The following RAPGEF6 variants were observed in gnomAD, a reference collection of about 807,000 sequenced individuals.
RAPGEF6 encodes PDZ domain containing guanine nucleotide exchange factor (GEF) 2.
RAPGEF6 carries 56 observed loss-of-function variants against 171.4 expected under a neutral mutation model. That is an observed-to-expected ratio of 0.33 (90% confidence interval 0.26 to 0.41). The LOEUF is 0.41. Ranked by LOEUF, RAPGEF6 falls within the 10% of genes least tolerant of loss-of-function variation. The pLI is 1.00. For missense variants in RAPGEF6, 1,674 were observed against 1,921.4 expected, an observed-to-expected ratio of 0.87 and a Z score of 2.41; for synonymous variants, 692 against 650.1, an observed-to-expected ratio of 1.06 and a Z score of -0.98.
At chr5:131,446,451 T>TTAGC in intron 22 of RAPGEF6, 32 bp downstream of exon 22, 2 of 1,569,046 alleles carry the variant, frequency 1.3e-6, no homozygotes, top group Non-Finnish European at 1.7e-6. Context: ...GTTGTGCTCT[T>TTAGC]TAGCGTCACA....
At chr5:131,504,531 T>C (rs1757226524) in intron 11 of RAPGEF6, 95 bp downstream of exon 11, 1 of 1,240,764 alleles carries the variant, frequency 8.1e-7, no homozygotes, top group African/African-American at 1.5e-5. Context: ...TGTTAATGAA[T>C]TATCTTGCAT....
chr5:131,484,471 T>TGCTTTTAGG, intron 15 of RAPGEF6, among the ~76,000 whole-genome samples: 1 of 152,182 alleles, frequency 6.6e-6, no homozygotes, highest in Non-Finnish European at 1.5e-5. Flanking sequence ...TGCCTGGGCC[T>TGCTTTTAGG]CCCAAAGCGC....
chr5:131,615,246 C>T (rs997432316), intron 1 of RAPGEF6, among the ~76,000 whole-genome samples: 2 of 152,178 alleles, frequency 1.3e-5, no homozygotes, highest in Non-Finnish European at 2.9e-5. Context: ...CACAAGAATG[C>T]TAAGCATTCA....
chr5:131,479,552 T>C lies in RAPGEF6; in HGVS notation c.2042A>G (p.Asp681Gly). 6.2e-7 allele frequency: 1 copy of C among 1,614,002 alleles called. No individual in the cohort carries two copies. Among genetic ancestry groups the C allele is most frequent in the African/African-American group, 1.3e-5 (1 of 75,040 alleles). ...GGRNKIRKIL[D>G]KTRFSILPPK... The stretch of plus-strand genomic sequence containing the variant: ...AGGCAAGATACTAAATCGTGTTTTA[T>C]CCAAAATCTTCCTGATTTTGTTTCT... The change falls in exon 16 of 28, where the codon GAT becomes GGT. Residue 681 changes from aspartate to glycine, a missense_variant. Transcript: ENST00000509018.
rs1366104796 is a variant in RAPGEF6 at position 131,431,086 on chromosome 5, C to T, written c.4238G>A (p.Cys1413Tyr). 1.2e-6 allele frequency: 2 copies of T among 1,614,150 alleles called. No individual in the cohort carries two copies. Among genetic ancestry groups the T allele is most frequent in the Admixed American group, 1.7e-5 (1 of 60,006 alleles). Reference sequence around the variant, plus strand: ...ACAAGTTCTAGAGCAGCTTTTAGAACAGGAATAGGGCTCAGAGTCAGTGGG... The same window carrying T: ...ACAAGTTCTAGAGCAGCTTTTAGAATAGGAATAGGGCTCAGAGTCAGTGGG... Reference protein sequence around the residue: ...VEPTDSEPYSCSKSCSRTCGQ... With the variant: ...VEPTDSEPYSYSKSCSRTCGQ... Residue 1413 changes from cysteine (C) to tyrosine (Y), a missense_variant, in exon 26 of 28, where the codon TGT (cysteine) becomes TAT (tyrosine). By Grantham distance (194) the Cys-to-Tyr change is radical (BLOSUM62 -2). Coordinates refer to ENST00000509018, the MANE Select transcript of RAPGEF6 (RefSeq NM_016340.6).
At chr5:131,598,205 T>C (rs1451201365) in intron 3 of RAPGEF6, among the ~76,000 whole-genome samples, 1 of 151,468 alleles carries the variant, frequency 6.6e-6, no homozygotes, top group South Asian at 2.1e-4. Context: ...TTCACATGAG[T>C]GGGTATTTTA....
chr5:131,440,328 T>C (rs1752298552), intron 23 of RAPGEF6: 1 of 437,200 alleles, frequency 2.3e-6, no homozygotes, highest in Non-Finnish European at 4.6e-6. Flanking sequence ...ATTACCCTTG[T>C]CCAATGTCTG....
At chr5:131,573,295 C>T (rs974315469) in intron 4 of RAPGEF6, among the ~76,000 whole-genome samples, 1 of 152,178 alleles carries the variant, frequency 6.6e-6, no homozygotes, top group African/African-American at 2.4e-5. Flanking sequence ...ACAATTTCCT[C>T]TTACAGAGGT....
rs772982632 is a variant in RAPGEF6, at chr5:131,492,714, C to T, written c.1599G>A (p.Leu533=). 3.7e-6 allele frequency: 6 copies of T among 1,614,092 alleles called. No individual in the cohort carries two copies. The African/African-American group carries it at 4.0e-5, about 11-fold the overall frequency. Residue 533 remains leucine (L), a synonymous_variant, in exon 14 of 28, where the codon CTG becomes CTA. Transcript: ENST00000509018. ...AAKAKWRQVV[L]QKASRESPLQ... Reference sequence around the variant, plus strand: ...GAGGGGACTCGCGGGAAGCCTTTTGCAGCACAACCTGTCTCCACTTAGCCT... The same window carrying T: ...GAGGGGACTCGCGGGAAGCCTTTTGTAGCACAACCTGTCTCCACTTAGCCT...
intron 4 of RAPGEF6, among the ~76,000 whole-genome samples, chr5:131,574,390 T>C (rs751338893): frequency 2.2e-4 from 33 of 152,154 alleles, no homozygotes; most frequent in Non-Finnish European, 4.0e-4. Context: ...ATGCCGAGCT[T>C]CGGGTAACTC....
At chr5:131,436,898 A>G (rs1035896843) in intron 24 of RAPGEF6, among the ~76,000 whole-genome samples, 2 of 152,204 alleles carry the variant, frequency 1.3e-5, no homozygotes, top group African/African-American at 4.8e-5. Context: ...AGGGTAGATA[A>G]TGTTTAAGGT....
At chr5:131,440,356 C>G in intron 23 of RAPGEF6, 1 of 385,804 alleles carries the variant, frequency 2.6e-6, no homozygotes, top group Non-Finnish European at 5.1e-6. Flanking sequence ...TAGTGTACCT[C>G]AAACTTAGCA....
intron 27 of RAPGEF6, among the ~76,000 whole-genome samples, chr5:131,428,125 T>G (rs374782271): frequency 6.6e-6 from 1 of 151,308 alleles, no homozygotes; most frequent in South Asian, 2.1e-4. Context: ...ACCCACACCA[T>G]TGGCTGGGTG....
intron 12 of RAPGEF6, among the ~76,000 whole-genome samples, chr5:131,495,977 T>A (rs1756613102): frequency 6.6e-6 from 1 of 152,176 alleles, no homozygotes; most frequent in African/African-American, 2.4e-5. Context: ...AAGCAGGCAA[T>A]CCTATCAATC....
intron 4 of RAPGEF6, among the ~76,000 whole-genome samples, chr5:131,569,529 AT>A (rs1363786323): frequency 6.6e-6 from 1 of 152,166 alleles, no homozygotes; most frequent in East Asian, 1.9e-4. Flanking sequence ...ATATGCAAAA[AT>A]ATATATATAC....
At chr5:131,431,517 TGTAA>T (rs569937019) in intron 25 of RAPGEF6, among the ~76,000 whole-genome samples, 168 bp from the exon 26 acceptor site, 139 of 152,268 alleles carry the variant, frequency 9.1e-4, no homozygotes, top group Non-Finnish European at 1.7e-3. Flanking sequence ...CTATATTCCT[TGTAA>T]GTATTTAGTT....
At chr5:131,447,339 A>C (rs1752785353) in intron 21 of RAPGEF6, 2 of 152,348 alleles carry the variant, frequency 1.3e-5, no homozygotes, top group African/African-American at 4.8e-5. Flanking sequence ...CTTCCCTCAA[A>C]TATGGAATGG....
At chr5:131,579,343 T>C (rs1320787439) in intron 4 of RAPGEF6, among the ~76,000 whole-genome samples, 1 of 152,208 alleles carries the variant, frequency 6.6e-6, no homozygotes, top group East Asian at 1.9e-4. Flanking sequence ...TTCCACAGTG[T>C]GGAAGGGGAC....
intron 4 of RAPGEF6, among the ~76,000 whole-genome samples, chr5:131,563,784 C>T (rs568373725): frequency 5.3e-5 from 8 of 152,268 alleles, no homozygotes; most frequent in African/African-American, 1.7e-4. Flanking sequence ...GGATTACAGG[C>T]GTGAGCCACT....
Sources: allele counts gnomAD v4.1 joint callset (sites outside exome capture counted in the v4.1 genomes callset), GRCh38; gene constraint gnomAD v4.1.1; transcripts MANE v1.5; gene names NCBI Gene and HGNC (gene_info 2026-07-23, HGNC 2026-07-21).